The following SGCZ variants were observed in gnomAD, a reference collection of about 807,000 sequenced individuals.
The protein encoded by SGCZ is zeta-sarcoglycan.
Under a neutral mutation model 41.3 loss-of-function variants are expected in SGCZ, and 40 were observed. The ratio of observed to expected loss-of-function variants is 0.97; its 90% CI spans 0.75 to 1.26. The LOEUF (loss-of-function observed/expected upper bound fraction) is 1.26. SGCZ is among the 50% of genes most tolerant of loss of function. The pLI is 0.00. For missense variants in SGCZ, 552 were observed against 369.8 expected (o/e 1.49, Z -4.04); for synonymous variants, 206 against 137.5 (o/e 1.50, Z -3.49).
At chr8:14,187,742 C>T (rs7002819) in intron 4 of SGCZ, among the ~76,000 whole-genome samples, 97,367 of 151,826 alleles carry the variant, frequency 0.64, 32,605 homozygotes, top group African/African-American at 0.84. Context: ...ATAGGAATAC[C>T]GGAGTAGAGG....
chr8:14,246,518 G>C (rs1209719531), intron 3 of SGCZ, among the ~76,000 whole-genome samples: 4 of 151,432 alleles, frequency 2.6e-5, no homozygotes, highest in African/African-American at 9.7e-5. Context: ...AATGGGTGCA[G>C]CACACCAGCA....
intron 4 of SGCZ, among the ~76,000 whole-genome samples, chr8:14,190,010 C>CTT (rs1397799185): frequency 5.7e-4 from 39 of 68,494 alleles, no homozygotes; most frequent in African/African-American, 1.3e-3. Flanking sequence ...TTCTTTCTTT[C>CTT]TTTCTTTTTT....
intron 1 of SGCZ, among the ~76,000 whole-genome samples, chr8:15,077,792 A>T (rs376710448): frequency 6.6e-6 from 1 of 152,226 alleles, no homozygotes; most frequent in African/African-American, 2.4e-5. Flanking sequence ...AGATAGCTCC[A>T]TAGACCCATG....
At chr8:14,561,331 A>T (rs1346676364) in intron 1 of SGCZ, among the ~76,000 whole-genome samples, 1 of 152,148 alleles carries the variant, frequency 6.6e-6, no homozygotes, top group Non-Finnish European at 1.5e-5. Context: ...AATCTACCAA[A>T]CAATGCTGCA....
intron 2 of SGCZ, among the ~76,000 whole-genome samples, chr8:14,418,306 G>A (rs1563316527): frequency 6.6e-6 from 1 of 151,916 alleles, no homozygotes; most frequent in Non-Finnish European, 1.5e-5. Context: ...AATGTGAAGA[G>A]TAGAAAATGG....
chr8:15,143,675 G>C (rs1798961032), intron 1 of SGCZ, among the ~76,000 whole-genome samples: 1 of 151,960 alleles, frequency 6.6e-6, no homozygotes, highest in South Asian at 2.1e-4. Context: ...CATCTCCTTG[G>C]GGCTCAGTTT....
chr8:14,536,350 C>T (rs992640139), intron 2 of SGCZ, among the ~76,000 whole-genome samples: 3 of 151,736 alleles, frequency 2.0e-5, no homozygotes, highest in Admixed American at 6.6e-5. Context: ...GATCTGAAAT[C>T]ATTGATTTTA....
In SGCZ at chr8:15,137,859, T is replaced by A. The variant is rs182264500; in HGVS notation, c.39+99726A>T. The stretch of plus-strand genomic sequence containing the variant: ...GTGGGGTTGGAGCCCCCACACAGAG[T>A]CCCCACTGGGGCACTGCCTAATGGA... On this transcript the variant is annotated intron_variant, in intron 1 of 7. Coordinates refer to ENST00000382080, the MANE Select transcript of SGCZ (RefSeq NM_139167.4). Among the ~76,000 whole-genome samples, 135 of 151,970 alleles carry A rather than the reference T, an allele frequency of 8.9e-4. 1 individual carries two copies. Among genetic ancestry groups the A allele is most frequent in the South Asian group, 1.5e-3 (7 of 4,806 alleles).
intron 7 of SGCZ, among the ~76,000 whole-genome samples, chr8:14,100,044 A>ATTGT (rs1315466513): frequency 6.6e-6 from 1 of 152,106 alleles, no homozygotes; most frequent in Non-Finnish European, 1.5e-5. Flanking sequence ...ATCCCTCTAT[A>ATTGT]TTGTTTAGTA....
At chr8:14,357,964 C>T (rs962448604) in intron 2 of SGCZ, among the ~76,000 whole-genome samples, 4 of 152,120 alleles carry the variant, frequency 2.6e-5, no homozygotes, top group African/African-American at 9.7e-5. Context: ...AGAAAATAAC[C>T]ATGAAATCAA....
At chr8:15,188,630 A>G (rs942725629) in intron 1 of SGCZ, among the ~76,000 whole-genome samples, 1 of 152,200 alleles carries the variant, frequency 6.6e-6, no homozygotes, top group African/African-American at 2.4e-5. Flanking sequence ...GTTTTAAAAA[A>G]CGGATAAGGA....
At chr8:14,608,742 C>G (rs1032367344) in intron 1 of SGCZ, among the ~76,000 whole-genome samples, 1 of 152,018 alleles carries the variant, frequency 6.6e-6, no homozygotes, top group African/African-American at 2.4e-5. Flanking sequence ...CATACACATT[C>G]TACCAGGCCC....
At chr8:14,244,067 G>A (rs1798988712) in intron 3 of SGCZ, among the ~76,000 whole-genome samples, 1 of 152,060 alleles carries the variant, frequency 6.6e-6, no homozygotes, top group Non-Finnish European at 1.5e-5. Context: ...ACAAGATCCA[G>A]GCTACATGGG....
intron 1 of SGCZ, among the ~76,000 whole-genome samples, chr8:14,901,314 G>A (rs551774713): frequency 1.3e-5 from 2 of 152,180 alleles, no homozygotes; most frequent in South Asian, 4.1e-4. Flanking sequence ...GAACAGAAAG[G>A]CATCTGTCCA....
At chr8:14,448,083 T>C (rs55704353) in intron 2 of SGCZ, among the ~76,000 whole-genome samples, 26,016 of 152,104 alleles carry the variant, frequency 0.17, 2,340 homozygotes, top group African/African-American at 0.23. Flanking sequence ...ATTGGAATTT[T>C]CATCGAAATA....
chr8:14,494,688 G>A (rs889507575), intron 2 of SGCZ, among the ~76,000 whole-genome samples: 19 of 152,256 alleles, frequency 1.2e-4, no homozygotes, highest in East Asian at 9.7e-4. Flanking sequence ...GAGAAACAAC[G>A]TTGTTGCTGA....
At chr8:14,563,263 T>C (rs1161376770) in intron 1 of SGCZ, among the ~76,000 whole-genome samples, 2 of 152,220 alleles carry the variant, frequency 1.3e-5, no homozygotes, top group African/African-American at 4.8e-5. Flanking sequence ...TCCAAGAGTC[T>C]TTCCATTCCT....
rs138966492 is a variant in SGCZ at position 15,175,734 on chromosome 8, A to G, written c.39+61851T>C. On this transcript the variant is annotated intron_variant, in intron 1 of 7. Transcript: ENST00000382080. ...TAAAAATTGAAATTCTGGAACTTCT[A>G]AAAAAAATTTAGATGCAACTTCAAG... 3.4e-3 allele frequency among the ~76,000 whole-genome samples: 517 copies of G among 152,152 alleles called. 4 individuals are homozygous for G. Among genetic ancestry groups the G allele is most frequent in the African/African-American group, 0.012 (497 of 41,452 alleles).
chr8:14,946,585 T>C (rs1243454329), intron 1 of SGCZ, among the ~76,000 whole-genome samples: 1 of 152,032 alleles, frequency 6.6e-6, no homozygotes, highest in African/African-American at 2.4e-5. Context: ...GCACAATGTA[T>C]GCATACACAG....
Sources: allele counts gnomAD v4.1 joint callset (sites outside exome capture counted in the v4.1 genomes callset), GRCh38; gene constraint gnomAD v4.1.1; transcripts MANE v1.5; gene names NCBI Gene and HGNC (gene_info 2026-07-23, HGNC 2026-07-21).